RUNX3: variants seen among roughly 807,000 people sequenced by gnomAD.
RUNX3 encodes runt-related transcription factor 3.
RUNX3 carries 10 observed loss-of-function variants against 27.7 expected under a neutral mutation model. The observed-to-expected ratio is 0.36, with a 90% CI of 0.22 to 0.61. The LOEUF is 0.61. RUNX3 is among the 20% of genes least tolerant of loss of function. The pLI, the probability that RUNX3 is intolerant of heterozygous loss-of-function variation, is 0.72. For missense variants in RUNX3, 469 were observed against 629.5 expected (o/e 0.75, Z 2.73); for synonymous variants, 270 against 269.2 (o/e 1.00, Z -0.03).
chr1:24,964,450 G>A, intron 2 of RUNX3: 1 of 1,374,790 alleles, frequency 7.3e-7, no homozygotes, highest in Non-Finnish European at 1.0e-6. Context: ...GCGGTCAGTG[G>A]AGGGACGTGG....
At chr1:24,924,093 G>C (rs1051702345) in intron 2 of RUNX3, among the ~76,000 whole-genome samples, 1 of 152,170 alleles carries the variant, frequency 6.6e-6, no homozygotes, top group Admixed American at 6.5e-5. Flanking sequence ...CTGGCTGGTC[G>C]CAGTGGCTCA....
At chr1:24,953,328 C>T (rs550041719) in intron 2 of RUNX3, among the ~76,000 whole-genome samples, 54 of 124,976 alleles carry the variant, frequency 4.3e-4, no homozygotes, top group African/African-American at 9.8e-4. Flanking sequence ...TGCGCCACTG[C>T]ACGCCAGCCT....
chr1:24,926,870 T>A (rs1641109419), intron 2 of RUNX3, among the ~76,000 whole-genome samples: 1 of 152,072 alleles, frequency 6.6e-6, no homozygotes, highest in Admixed American at 6.6e-5. Context: ...GACTTTCCCA[T>A]CCAGGAGTTA....
chr1:24,941,245 CA>C (rs1233024542), intron 2 of RUNX3, among the ~76,000 whole-genome samples: 6 of 152,134 alleles, frequency 3.9e-5, no homozygotes, highest in African/African-American at 1.4e-4. Context: ...CATGGCCGAC[CA>C]GTAGCCCTTC....
In RUNX3 at chr1:24,929,904, G is replaced by T; in HGVS notation, c.-36C>A. Reference sequence around the variant, plus strand: ...GTCAGGGCGCCGGGCAGGCGGAGACGGCGCGGCTTCCCCCGGGGGCGGCCG... The same window carrying T: ...GTCAGGGCGCCGGGCAGGCGGAGACTGCGCGGCTTCCCCCGGGGGCGGCCG... On this transcript the variant is annotated 5_prime_UTR_variant, in exon 1 of 5. Transcript: ENST00000308873. The T allele has an allele frequency of 8.0e-7, 1 of 1,247,170 alleles. No homozygotes were observed. Among genetic ancestry groups the T allele is most frequent in the South Asian group, 3.3e-5 (1 of 30,116 alleles). The allele number at this position is 1,247,170 out of a possible 1,614,324, so 77.3% of individuals were successfully genotyped here.
chr1:24,918,639 GCCTACCCTCCCA>G (rs1353769345), intron 3 of RUNX3, among the ~76,000 whole-genome samples: 2 of 152,058 alleles, frequency 1.3e-5, no homozygotes, highest in African/African-American at 4.8e-5. Context: ...CAGAGCCTCA[GCCTACCCTCCCA>G]CTTCCCCAGC....
At chr1:24,951,813 C>T (rs2124364406) in intron 2 of RUNX3, among the ~76,000 whole-genome samples, 1 of 152,296 alleles carries the variant, frequency 6.6e-6, no homozygotes, top group Admixed American at 6.5e-5. Context: ...TCAGTTTTCT[C>T]ATCTGTAAAA....
At chr1:24,945,157 C>T (rs1641575155) in intron 2 of RUNX3, among the ~76,000 whole-genome samples, 1 of 152,102 alleles carries the variant, frequency 6.6e-6, no homozygotes, top group Admixed American at 6.5e-5. Context: ...TATAAAACAC[C>T]CAGTTAAATT....
chr1:24,919,390 TCCACA>T, intron 2 of RUNX3, 46 bp from the exon 3 acceptor site: 1 of 1,278,404 alleles, frequency 7.8e-7, no homozygotes, highest in East Asian at 2.4e-5. Context: ...ACCTGGAGCT[TCCACA>T]ATACCCTGCT....
At chr1:24,930,769 C>G (rs528073641), upstream of RUNX3, among the ~76,000 whole-genome samples, 94 of 152,332 alleles carry the variant, frequency 6.2e-4, no homozygotes, top group Non-Finnish European at 1.2e-3. This position sits in a 1 kb window ranked among gnomAD's most constrained non-coding sequence, Gnocchi z 4.1. Context: ...TCCCTCGTCC[C>G]GCACATTATT....
rs946811264 is a variant in RUNX3 at position 24,943,212 on chromosome 1, A to G, written c.59-13360T>C. 4.9e-4 allele frequency among the ~76,000 whole-genome samples: 75 copies of G among 152,200 alleles called. No homozygotes were observed. Among genetic ancestry groups the G allele is most frequent in the African/African-American group, 1.7e-3 (71 of 41,454 alleles). On this transcript the variant is annotated intron_variant, in intron 2 of 6. Coordinates refer to the RUNX3 transcript ENST00000338888. This position sits in a 1 kb window ranked among gnomAD's most constrained non-coding sequence, Gnocchi z 4.6. The stretch of plus-strand genomic sequence containing the variant: ...CTTTTCATGTGGTTGTGGGGCAGGC[A>G]TGCCACCCAGCACGTGGGGGAGGCC...
chr1:24,950,296 G>C (rs1641724794), intron 2 of RUNX3, among the ~76,000 whole-genome samples: 1 of 152,154 alleles, frequency 6.6e-6, no homozygotes, highest in African/African-American at 2.4e-5. Flanking sequence ...AGATGCTCAG[G>C]GGCCACCCCA....
chr1:24,920,460 A>G (rs995648545), intron 2 of RUNX3, among the ~76,000 whole-genome samples: 4 of 152,130 alleles, frequency 2.6e-5, no homozygotes, highest in African/African-American at 4.8e-5. Flanking sequence ...GTCTATCAAG[A>G]TGGAAGATCT....
Position 24,902,437 on chromosome 1 carries a change from G to A in RUNX3, c.933C>T (p.Pro311=), listed in dbSNP as rs954889010. Residue 311 remains proline (P), a synonymous_variant, in exon 5 of 5, where the codon CCC becomes CCT. Transcript: ENST00000308873. The surrounding 1 kb of genome is among the most constrained non-coding windows in gnomAD (Gnocchi z 9.2). ...TCTGGTTCTGCGGGGCCCCCGGGTAGGGTGGCGGGAGGTAGGTATGGTGGA... is the reference window on the plus strand; with the variant it reads ...TCTGGTTCTGCGGGGCCCCCGGGTAAGGTGGCGGGAGGTAGGTATGGTGGA... ...SRFHHTYLPP[P]YPGAPQNQSG... 3 of 1,609,988 alleles carry A rather than the reference G, an allele frequency of 1.9e-6. No individual in the cohort carries two copies. Among genetic ancestry groups the A allele is most frequent in the African/African-American group, 2.7e-5 (2 of 74,828 alleles).
In RUNX3 at chr1:24,943,706, C is replaced by T. The variant is rs1021932742; in HGVS notation, c.59-13854G>A. ...GGCCCAGGGGAGTCCAAAGTCAGGACTCATTCTTCCCCCAGGTCATCGTGG... is the reference window on the plus strand; with the variant it reads ...GGCCCAGGGGAGTCCAAAGTCAGGATTCATTCTTCCCCCAGGTCATCGTGG... On this transcript the variant is annotated intron_variant, in intron 2 of 6. Transcript: ENST00000338888. This position sits in a 1 kb window ranked among gnomAD's most constrained non-coding sequence, Gnocchi z 4.6. 2.8e-4 allele frequency among the ~76,000 whole-genome samples: 43 copies of T among 152,300 alleles called. No homozygotes were observed. The highest frequency in any genetic ancestry group is 9.9e-4 in the African/African-American group (41 of 41,562).
rs1313544148 is a variant in RUNX3 at position 24,929,637 on chromosome 1, C to G, written c.232G>C (p.Val78Leu). The G allele has an allele frequency of 6.2e-7, 1 of 1,608,694 alleles. No homozygotes were observed. Among genetic ancestry groups the G allele is most frequent in the Non-Finnish European group, 8.5e-7 (1 of 1,179,102 alleles). The change falls in exon 1 of 5, where the codon GTG (valine) becomes CTG (leucine). Residue 78 changes from valine to leucine, a missense_variant. Physicochemically the swap from Val to Leu is conservative, Grantham distance 32. Around this residue, in one of 3 missense-constraint regions of RUNX3, gnomAD observed 75 missense variants for 168.5 expected, o/e 0.45. Coordinates refer to ENST00000308873, the MANE Select transcript of RUNX3 (RefSeq NM_004350.3). Reference protein sequence around the residue: ...RTDSPNFLCSVLPSHWRCNKT... With the variant: ...RTDSPNFLCSLLPSHWRCNKT... ...TTGCAGCGCCAGTGCGAGGGCAGCA[C>G]GGAGCAGAGGAAGTTGGGGCTGTCG... is the stretch of plus-strand genomic sequence containing the variant.
At chr1:24,942,506 G>T (rs1429239337) in intron 2 of RUNX3, among the ~76,000 whole-genome samples, 1 of 152,144 alleles carries the variant, frequency 6.6e-6, no homozygotes, top group Non-Finnish European at 1.5e-5. Context: ...CTTTAGACAG[G>T]GTGGTCAGGG....
At chr1:24,958,059 C>T (rs1641992764) in intron 2 of RUNX3, among the ~76,000 whole-genome samples, 1 of 152,194 alleles carries the variant, frequency 6.6e-6, no homozygotes, top group Non-Finnish European at 1.5e-5. Context: ...GATGTGGAAA[C>T]ATCTGTTGAG....
At chr1:24,936,637 C>T (rs1641355322) in intron 2 of RUNX3, among the ~76,000 whole-genome samples, 1 of 152,224 alleles carries the variant, frequency 6.6e-6, no homozygotes, top group African/African-American at 2.4e-5. Context: ...CCCCCTGCCT[C>T]TCCAGCTACC....
Sources: allele counts gnomAD v4.1 joint callset (sites outside exome capture counted in the v4.1 genomes callset), GRCh38; gene constraint gnomAD v4.1.1; regional missense constraint gnomAD v4.1.1; non-coding constraint Gnocchi (gnomAD v3.1); transcripts MANE v1.5; gene names NCBI Gene and HGNC (gene_info 2026-07-23, HGNC 2026-07-21).